MYO9B: variants seen among roughly 807,000 people sequenced by gnomAD.
MYO9B encodes the protein myosin IXB.
A neutral mutation model predicts 229.5 loss-of-function variants in MYO9B; 71 were observed. The observed-to-expected ratio is 0.31, with a 90% CI of 0.26 to 0.38. The LOEUF is 0.38. MYO9B is among the 10% of genes least tolerant of loss of function. The pLI is 1.00. For synonymous variants in MYO9B, 1,185 were observed against 1,235.8 expected, an observed-to-expected ratio of 0.96 and a Z score of 0.86; for missense variants, 2,255 against 2,920.5, an observed-to-expected ratio of 0.77 and a Z score of 5.25.
At chr19:17,130,701 T>C (rs1047009643) in intron 2 of MYO9B, among the ~76,000 whole-genome samples, 7 of 151,696 alleles carry the variant, frequency 4.6e-5, no homozygotes, top group Non-Finnish European at 8.8e-5. Context: ...GGAGGATCGC[T>C]TGAACCTGGG....
intron 9 of MYO9B, 74 bp downstream of exon 9, chr19:17,162,540 C>T (rs529142352): frequency 2.5e-5 from 31 of 1,261,250 alleles, no homozygotes; most frequent in Admixed American, 8.3e-5. Context: ...CCTTGGTGGG[C>T]GACCTGGAAC....
intron 25 of MYO9B, 61 bp from the exon 26 acceptor site, chr19:17,200,578 G>A: frequency 6.5e-7 from 1 of 1,537,058 alleles, no homozygotes; most frequent in Non-Finnish European, 8.8e-7. Flanking sequence ...CGTGCCATAG[G>A]AGGTCCCCTG....
intron 31 of MYO9B, 65 bp downstream of exon 31, chr19:17,205,401 G>C: frequency 6.6e-7 from 1 of 1,507,304 alleles, no homozygotes; most frequent in East Asian, 2.3e-5. Flanking sequence ...GCACCAGGAG[G>C]TGGTGCTTGA....
chr19:17,149,452 C>T (rs1650188954), intron 3 of MYO9B, among the ~76,000 whole-genome samples: 1 of 152,168 alleles, frequency 6.6e-6, no homozygotes, highest in South Asian at 2.1e-4. Context: ...CCTCCATGGC[C>T]AGGTCTCCCA....
intron 2 of MYO9B, among the ~76,000 whole-genome samples, chr19:17,108,975 A>G (rs1334854350): frequency 6.6e-6 from 1 of 151,864 alleles, no homozygotes; most frequent in Admixed American, 6.6e-5. Flanking sequence ...AGCCTCCCAA[A>G]GTGCTGGGAT....
chr19:17,126,961 G>A (rs1188240806), intron 2 of MYO9B, among the ~76,000 whole-genome samples: 2 of 121,404 alleles, frequency 1.6e-5, no homozygotes, highest in Non-Finnish European at 3.2e-5. Context: ...TGGAATTACA[G>A]GCATGAGCCA....
intron 13 of MYO9B, among the ~76,000 whole-genome samples, chr19:17,174,116 G>A (rs1465345087): frequency 7.5e-6 from 1 of 133,970 alleles, no homozygotes; most frequent in Non-Finnish European, 1.5e-5. Flanking sequence ...TGCAGGCCCC[G>A]CCTCCCGGGT....
chr19:17,143,527 C>T (rs1191555664), intron 2 of MYO9B, among the ~76,000 whole-genome samples: 5 of 152,290 alleles, frequency 3.3e-5, no homozygotes, highest in Admixed American at 2.0e-4. Flanking sequence ...CATGTTCTCA[C>T]TTTCAAGTGG....
chr19:17,183,053 C>G (rs1568289851), intron 15 of MYO9B, among the ~76,000 whole-genome samples: 8 of 152,014 alleles, frequency 5.3e-5, no homozygotes, highest in Admixed American at 2.6e-4. Context: ...TCTTGAGTAG[C>G]TGGGATTACA....
intron 2 of MYO9B, among the ~76,000 whole-genome samples, chr19:17,144,415 G>A (rs931258729): frequency 1.3e-5 from 2 of 148,938 alleles, no homozygotes; most frequent in Non-Finnish European, 3.0e-5. Context: ...GACCAGCCTG[G>A]GCAACATGGC....
intron 31 of MYO9B, 23 bp from the exon 32 acceptor site, chr19:17,205,937 G>C (rs1568302378): frequency 6.5e-7 from 1 of 1,538,956 alleles, no homozygotes; most frequent in African/African-American, 1.4e-5. Context: ...GCCCAGACCT[G>C]ACCCCCAACC....
chr19:17,201,785 G>C, intron 26 of MYO9B, 141 bp from the exon 27 acceptor site: 1 of 648,756 alleles, frequency 1.5e-6, no homozygotes. Context: ...GAGAGACCAG[G>C]CTTGGCCAGA....
At position 17,167,928 on chromosome 19, in the gene MYO9B, G is replaced by C. The variant is rs768570635; in HGVS notation, c.1672-15G>C. The C allele has an allele frequency of 6.4e-7, 1 of 1,556,438 alleles. No individual in the cohort carries two copies. The highest frequency in any genetic ancestry group is 8.7e-7 in the Non-Finnish European group (1 of 1,149,792). Reference sequence around the variant, plus strand: ...GGGAGATAAGAAACTTACCGACCCCGCGCCACCCCTGCAGGAGGAATATCA... The same window carrying C: ...GGGAGATAAGAAACTTACCGACCCCCCGCCACCCCTGCAGGAGGAATATCA... On this transcript the variant is annotated splice_polypyrimidine_tract_variant and intron_variant, in intron 10 of 39. Transcript: ENST00000682292.
At chr19:17,108,117 C>CA (rs1241058056) in intron 2 of MYO9B, among the ~76,000 whole-genome samples, 3 of 152,206 alleles carry the variant, frequency 2.0e-5, no homozygotes, top group Non-Finnish European at 4.4e-5. Flanking sequence ...GCACAGTCTC[C>CA]AGTATGCCTT....
In MYO9B at chr19:17,157,011, G is replaced by A; in HGVS notation, c.1302G>A (p.Val434=). 6.2e-7 allele frequency: 1 copy of A among 1,613,714 alleles called. No homozygotes were observed. Among genetic ancestry groups the A allele is most frequent in the Non-Finnish European group, 8.5e-7 (1 of 1,179,792 alleles). The change falls in exon 7 of 40, where the codon GTG becomes GTA. Residue 434 remains valine (V), a synonymous_variant. Transcript: ENST00000682292. ...EEGLEVGPPE[V]LDTLSQLLKV... ...GGTTGGAGGTCGGGCCACCCGAGGTGCTGGACACCCTGTCGCAGCTTCTGA... is the reference window on the plus strand; with the variant it reads ...GGTTGGAGGTCGGGCCACCCGAGGTACTGGACACCCTGTCGCAGCTTCTGA...
intron 1 of MYO9B, among the ~76,000 whole-genome samples, chr19:17,098,045 A>ACCC (rs10602502): frequency 3.0e-5 from 4 of 132,608 alleles, no homozygotes; most frequent in African/African-American, 8.6e-5. Flanking sequence ...ATCCTTCAGA[A>ACCC]CCCCCCCCCC....
chr19:17,210,406 G>A (rs367964097), intron 37 of MYO9B, 26 bp downstream of exon 37: 66 of 1,570,220 alleles, frequency 4.2e-5, no homozygotes, highest in Admixed American at 2.6e-4. Flanking sequence ...GTGGGCCCGC[G>A]GTGCATGTCT....
intron 1 of MYO9B, chr19:17,095,704 G>A (rs1376780907): frequency 6.6e-6 from 1 of 152,128 alleles, no homozygotes; most frequent in Non-Finnish European, 1.5e-5. Flanking sequence ...TATTCTTTTG[G>A]GTCTATACCT....
At chr19:17,130,698 C>T (rs930971922) in intron 2 of MYO9B, among the ~76,000 whole-genome samples, 7 of 151,144 alleles carry the variant, frequency 4.6e-5, no homozygotes, top group Admixed American at 1.3e-4. Context: ...GCAGGAGGAT[C>T]GCTTGAACCT....
Sources: gnomAD v4.1 joint callset for allele counts (sites outside exome capture counted in the v4.1 genomes callset) on GRCh38, gnomAD v4.1.1 for gene constraint, MANE v1.5 for transcripts, NCBI Gene and HGNC (gene_info 2026-07-23, HGNC 2026-07-21) for gene names.